CAMTA1: variants seen among roughly 807,000 people sequenced by gnomAD.
CAMTA1 encodes calmodulin binding transcription activator 1, also known as calmodulin-binding transcription activator 1.
Under a neutral mutation model 170.9 loss-of-function variants are expected in CAMTA1, and 27 were observed. The ratio of observed to expected loss-of-function variants is 0.16; its 90% CI spans 0.12 to 0.22. The LOEUF is 0.22. CAMTA1 is among the 10% of genes least tolerant of loss of function. The pLI, the probability that CAMTA1 is intolerant of heterozygous loss-of-function variation, is 1.00. For missense variants in CAMTA1, 1,619 were observed against 2,217.2 expected, an observed-to-expected ratio of 0.73 and a Z score of 5.42; for synonymous variants, 833 against 891.5, an observed-to-expected ratio of 0.93 and a Z score of 1.17.
chr1:7,500,916 A>T (rs1490132610), intron 6 of CAMTA1, among the ~76,000 whole-genome samples: 1 of 152,078 alleles, frequency 6.6e-6, no homozygotes, highest in Non-Finnish European at 1.5e-5. Flanking sequence ...GTCACACCCA[A>T]CTGGCAAGAG....
chr1:7,451,153 C>G (rs375457084), intron 5 of CAMTA1, among the ~76,000 whole-genome samples: 5 of 152,202 alleles, frequency 3.3e-5, no homozygotes, highest in Admixed American at 6.5e-5. Context: ...AAGCACTGAG[C>G]CAGCCCCATC....
intron 4 of CAMTA1, among the ~76,000 whole-genome samples, chr1:7,152,418 G>C (rs1313267593): frequency 6.6e-6 from 1 of 152,142 alleles, no homozygotes; most frequent in Non-Finnish European, 1.5e-5. Context: ...CCAACCTTGG[G>C]CTCCCCCTCC....
rs547451944 is a variant in CAMTA1 at position 7,007,775 on chromosome 1, G to A, written c.235-83529G>A. On this transcript the variant is annotated intron_variant, in intron 3 of 22. Transcript: ENST00000303635. The surrounding 1 kb of genome is among the most constrained non-coding windows in gnomAD (Gnocchi z 4.5). The stretch of plus-strand genomic sequence containing the variant: ...GTGCTTTTCTACCGACTTCTGGGCC[G>A]GGTCATCCACTCCTCCAGAAGAGAG... 1.8e-4 allele frequency among the ~76,000 whole-genome samples: 27 copies of A among 152,178 alleles called. No homozygotes were observed. The highest frequency in any genetic ancestry group is 3.1e-4 in the Non-Finnish European group (21 of 68,038).
chr1:6,804,526 G>A (rs1570179708), intron 1 of CAMTA1, among the ~76,000 whole-genome samples: 1 of 151,954 alleles, frequency 6.6e-6, no homozygotes, highest in African/African-American at 2.4e-5. Context: ...CCCGGCCCTA[G>A]TCAATTACTA....
In CAMTA1 at chr1:7,443,123, G is replaced by A. The variant is rs2092590629; in HGVS notation, c.439-24707G>A. On this transcript the variant is annotated intron_variant, in intron 5 of 22. Coordinates refer to ENST00000303635, the MANE Select transcript of CAMTA1 (RefSeq NM_015215.4). The surrounding 1 kb of genome is among the most constrained non-coding windows in gnomAD (Gnocchi z 4.1). ...GTCCCTCCCAGCTCAAGTATACTGTGTCTCTACCCAAGTCAAAGCCCTGGA... is the reference window on the plus strand; with the variant it reads ...GTCCCTCCCAGCTCAAGTATACTGTATCTCTACCCAAGTCAAAGCCCTGGA... 6.6e-6 allele frequency among the ~76,000 whole-genome samples: 1 copy of A among 152,000 alleles called. No homozygotes were observed.
At chr1:7,024,266 A>G (rs1466328195) in intron 3 of CAMTA1, among the ~76,000 whole-genome samples, 1 of 152,204 alleles carries the variant, frequency 6.6e-6, no homozygotes, top group Admixed American at 6.5e-5. Flanking sequence ...TCCTACTGAA[A>G]ATGAACATGG....
At chr1:7,169,938 C>G (rs897499122) in intron 4 of CAMTA1, among the ~76,000 whole-genome samples, 1 of 152,138 alleles carries the variant, frequency 6.6e-6, no homozygotes, top group Non-Finnish European at 1.5e-5. Flanking sequence ...CCTTTTTAAT[C>G]AGAATTTTGT....
chr1:7,171,710 A>G (rs1310284863), intron 4 of CAMTA1, among the ~76,000 whole-genome samples: 1 of 152,152 alleles, frequency 6.6e-6, no homozygotes, highest in Non-Finnish European at 1.5e-5. Context: ...CCTAATTCCA[A>G]TGTGCTTTCA....
At chr1:7,086,801 T>G (rs1640806993) in intron 3 of CAMTA1, among the ~76,000 whole-genome samples, 2 of 152,258 alleles carry the variant, frequency 1.3e-5, no homozygotes, top group South Asian at 4.1e-4. Flanking sequence ...CACATTTTGT[T>G]TCTTCATTCA....
chr1:6,799,312 T>C (rs1643354582), intron 1 of CAMTA1, among the ~76,000 whole-genome samples: 1 of 152,100 alleles, frequency 6.6e-6, no homozygotes, highest in Admixed American at 6.5e-5. Flanking sequence ...CAAGCAGTCA[T>C]CCTGTCTCAG....
intron 3 of CAMTA1, among the ~76,000 whole-genome samples, chr1:6,943,846 CAAAAAAA>C (rs1198830005): frequency 1.7e-4 from 9 of 51,700 alleles, no homozygotes; most frequent in African/African-American, 2.2e-4. Flanking sequence ...GACTCTGTCT[CAAAAAAA>C]AAAAAAAAAA....
intron 5 of CAMTA1, among the ~76,000 whole-genome samples, chr1:7,352,020 C>G (rs187623068): frequency 6.6e-6 from 1 of 151,518 alleles, no homozygotes; most frequent in African/African-American, 2.4e-5. Context: ...TTGAAACCAT[C>G]GGGAAAGCGC....
At chr1:7,360,418 A>G (rs2085452158) in intron 5 of CAMTA1, among the ~76,000 whole-genome samples, 1 of 152,078 alleles carries the variant, frequency 6.6e-6, no homozygotes, top group Non-Finnish European at 1.5e-5. Context: ...TGGTCTTTGC[A>G]CTCTTGTGAA....
At chr1:7,085,623 G>A (rs185995752) in intron 3 of CAMTA1, among the ~76,000 whole-genome samples, 2 of 152,272 alleles carry the variant, frequency 1.3e-5, no homozygotes, top group Non-Finnish European at 2.9e-5. Flanking sequence ...GGGGCTGGGC[G>A]ATGAACAGGA....
chr1:7,367,858 T>C (rs1042996459), intron 5 of CAMTA1, among the ~76,000 whole-genome samples: 4 of 151,824 alleles, frequency 2.6e-5, no homozygotes, highest in Non-Finnish European at 5.9e-5. Flanking sequence ...TGGGCACTCA[T>C]GGTTTCGTTG....
intron 3 of CAMTA1, among the ~76,000 whole-genome samples, chr1:6,944,438 C>G (rs942428756): frequency 6.6e-6 from 1 of 152,170 alleles, no homozygotes; most frequent in African/African-American, 2.4e-5. Context: ...TCCCCAGGAC[C>G]TGTACACCCC....
chr1:7,228,657 C>T (rs1310300836), intron 4 of CAMTA1, among the ~76,000 whole-genome samples: 1 of 152,194 alleles, frequency 6.6e-6, no homozygotes, highest in East Asian at 1.9e-4. Context: ...AGAGCACCTA[C>T]AGGGGCCTCG....
chr1:7,737,632 C>A, intron 15 of CAMTA1, 62 bp downstream of exon 15: 1 of 1,433,194 alleles, frequency 7.0e-7, no homozygotes, highest in Non-Finnish European at 9.5e-7. Context: ...TTTCATGCAG[C>A]TGCCCTCAGC....
chr1:7,314,979 A>G lies in CAMTA1; in HGVS notation c.438+65353A>G, dbSNP rs116317471. Among the ~76,000 whole-genome samples, 916 of 152,368 alleles carry G rather than the reference A, an allele frequency of 6.0e-3. 6 individuals are homozygous for G. Among genetic ancestry groups the G allele is most frequent in the African/African-American group, 0.02 (823 of 41,592 alleles). On this transcript the variant is annotated intron_variant, in intron 5 of 22. Coordinates refer to ENST00000303635, the MANE Select transcript of CAMTA1 (RefSeq NM_015215.4). The stretch of plus-strand genomic sequence containing the variant: ...TGAAGGATAGATATGACCTTGAGAC[A>G]TTGACAAGAAGAATGATTAGATTCA...
Sources: gnomAD v4.1 joint callset for allele counts (sites outside exome capture counted in the v4.1 genomes callset) on GRCh38, gnomAD v4.1.1 for gene constraint, Gnocchi (gnomAD v3.1) non-coding constraint, MANE v1.5 for transcripts, NCBI Gene and HGNC (gene_info 2026-07-23, HGNC 2026-07-21) for gene names.